Variants in SGMS1 observed in about 807,000 individuals in gnomAD.
The protein encoded by SGMS1 is sphingomyelin synthase 1.
SGMS1 carries 13 observed loss-of-function variants against 46.2 expected under a neutral mutation model. The ratio of observed to expected loss-of-function variants is 0.28; its 90% CI spans 0.18 to 0.45. The LOEUF is 0.45. Among genes scored for constraint, SGMS1 ranks in the 20% least tolerant of loss-of-function variants. SGMS1 has a pLI of 1.00. For missense variants in SGMS1, 324 were observed against 519.9 expected, an observed-to-expected ratio of 0.62 and a Z score of 3.66; for synonymous variants, 203 against 187.8, an observed-to-expected ratio of 1.08 and a Z score of -0.66.
intron 6 of SGMS1, among the ~76,000 whole-genome samples, chr10:50,374,627 A>G (rs2133454081): frequency 6.6e-6 from 1 of 152,130 alleles, no homozygotes; most frequent in East Asian, 1.9e-4. Context: ...CTTTCTTACT[A>G]GGCTCCATAA....
intron 6 of SGMS1, among the ~76,000 whole-genome samples, chr10:50,375,805 T>A (rs1263369357): frequency 1.3e-5 from 2 of 152,184 alleles, no homozygotes; most frequent in Admixed American, 6.6e-5. Flanking sequence ...ATACAAGATG[T>A]ATGTAAAGAC....
chr10:50,337,355 G>A (rs760272466), intron 7 of SGMS1, among the ~76,000 whole-genome samples: 1 of 152,140 alleles, frequency 6.6e-6, no homozygotes, highest in Non-Finnish European at 1.5e-5. Context: ...TGGTCCCACA[G>A]TATATGGCTA....
intron 6 of SGMS1, among the ~76,000 whole-genome samples, chr10:50,413,529 C>A (rs1849129215): frequency 1.3e-5 from 2 of 152,214 alleles, no homozygotes; most frequent in African/African-American, 4.8e-5. Context: ...GACCATAACA[C>A]TACTGACATT....
intron 2 of SGMS1, among the ~76,000 whole-genome samples, chr10:50,536,731 C>T (rs953653538): frequency 2.0e-5 from 3 of 152,114 alleles, no homozygotes; most frequent in Admixed American, 1.3e-4. Context: ...GTTTTTCATA[C>T]ATTTTGTCCC....
At chr10:50,371,189 T>C (rs1397720602) in intron 6 of SGMS1, among the ~76,000 whole-genome samples, 3 of 152,350 alleles carry the variant, frequency 2.0e-5, no homozygotes, top group Middle Eastern at 3.4e-3. Flanking sequence ...GTAGGCTATA[T>C]AGGTTTTTTC....
At chr10:50,455,729 TCA>T (rs967906261) in intron 5 of SGMS1, among the ~76,000 whole-genome samples, 31 of 152,288 alleles carry the variant, frequency 2.0e-4, no homozygotes, top group African/African-American at 7.5e-4. Flanking sequence ...AATGAAGATT[TCA>T]CAGACTGTCT....
intron 1 of SGMS1, among the ~76,000 whole-genome samples, chr10:50,606,895 C>T (rs530000682): frequency 6.6e-6 from 1 of 151,998 alleles, no homozygotes; most frequent in Non-Finnish European, 1.5e-5. Context: ...ATATGACACT[C>T]AAGATTTTGT....
intron 3 of SGMS1, among the ~76,000 whole-genome samples, chr10:50,467,399 A>T (rs563375735): frequency 6.7e-6 from 1 of 148,714 alleles, no homozygotes. Flanking sequence ...GACCACATAC[A>T]TAAGTGTATG....
chr10:50,572,468 C>G (rs886448752), intron 2 of SGMS1, among the ~76,000 whole-genome samples: 2 of 151,976 alleles, frequency 1.3e-5, no homozygotes, highest in African/African-American at 4.8e-5. Context: ...GCAGTGTTGT[C>G]AAGGTCTCTT....
At chr10:50,394,998 CA>C (rs2133519404) in intron 6 of SGMS1, among the ~76,000 whole-genome samples, 1 of 152,188 alleles carries the variant, frequency 6.6e-6, no homozygotes, top group Non-Finnish European at 1.5e-5. Flanking sequence ...TTTGCTTTTA[CA>C]TAACAGGAAG....
At chr10:50,490,748 A>T (rs559537724) in intron 3 of SGMS1, among the ~76,000 whole-genome samples, 1 of 152,168 alleles carries the variant, frequency 6.6e-6, no homozygotes, top group Non-Finnish European at 1.5e-5. Flanking sequence ...TCATCCATAA[A>T]ACAGGCAAAA....
chr10:50,591,381 CCA>C (rs972582144), intron 1 of SGMS1, among the ~76,000 whole-genome samples: 51 of 152,248 alleles, frequency 3.3e-4, no homozygotes, highest in African/African-American at 1.2e-3. Flanking sequence ...AAAACCAACC[CCA>C]CAGCCAAATG....
At chr10:50,447,678 T>C (rs1449365443) in intron 5 of SGMS1, among the ~76,000 whole-genome samples, 1 of 152,216 alleles carries the variant, frequency 6.6e-6, no homozygotes, top group East Asian at 1.9e-4. Flanking sequence ...TAACATGTTT[T>C]GAAATACATA....
intron 6 of SGMS1, among the ~76,000 whole-genome samples, chr10:50,413,116 T>A (rs556123536): frequency 6.6e-6 from 1 of 152,324 alleles, no homozygotes; most frequent in South Asian, 2.1e-4. Flanking sequence ...AAAAAAGTTA[T>A]CTCTTGTGAC....
intron 6 of SGMS1, among the ~76,000 whole-genome samples, chr10:50,364,381 A>AT (rs552010956): frequency 6.0e-4 from 91 of 152,314 alleles, no homozygotes; most frequent in Admixed American, 2.4e-3. Flanking sequence ...ACACTAATTA[A>AT]TTTTTTTAAA....
At chr10:50,506,891 T>C (rs1588857521) in intron 3 of SGMS1, among the ~76,000 whole-genome samples, 1 of 152,274 alleles carries the variant, frequency 6.6e-6, no homozygotes, top group African/African-American at 2.4e-5. Context: ...AGCCACACCA[T>C]GATCCAAATG....
chr10:50,348,570 C>T (rs1447884093), intron 6 of SGMS1, among the ~76,000 whole-genome samples: 1 of 151,932 alleles, frequency 6.6e-6, no homozygotes, highest in African/African-American at 2.4e-5. Context: ...TTCACAATTG[C>T]TACAAAGAAA....
At chr10:50,425,210 T>C (rs1186025685) in intron 6 of SGMS1, among the ~76,000 whole-genome samples, 1 of 152,138 alleles carries the variant, frequency 6.6e-6, no homozygotes, top group Non-Finnish European at 1.5e-5. Flanking sequence ...CAACTAAAAA[T>C]AGAATTACCA....
Position 50,371,309 on chromosome 10 carries a change from G to A in SGMS1, c.-231-26964C>T, listed in dbSNP as rs186463797. ...TTTCCATTGTAACCACCATGGTTCA[G>A]GTGGCATTACATTTCATCAGAATTA... On this transcript the variant is annotated intron_variant, in intron 6 of 10. Transcript: ENST00000361781. Among the ~76,000 whole-genome samples, 69 of 152,258 alleles carry A rather than the reference G, an allele frequency of 4.5e-4. No homozygotes were observed. In the East Asian group the frequency reaches 5.4e-3, roughly 12 times the overall value.
Sources: allele counts gnomAD v4.1 joint callset (sites outside exome capture counted in the v4.1 genomes callset), GRCh38; gene constraint gnomAD v4.1.1; transcripts MANE v1.5; gene names NCBI Gene and HGNC (gene_info 2026-07-23, HGNC 2026-07-21).